The following C6orf89 variants were observed in gnomAD, a reference collection of about 807,000 sequenced individuals.
C6orf89 encodes the protein bombesin receptor-activated protein C6orf89.
A neutral mutation model predicts 40.7 loss-of-function variants in C6orf89; 29 were observed. The observed-to-expected ratio is 0.71, with a 90% CI of 0.53 to 0.97. The LOEUF is 0.97. Ranked by LOEUF, C6orf89 falls within the 50% of genes least tolerant of loss-of-function variation. The pLI is 0.00. For missense variants in C6orf89, 392 were observed against 429.1 expected (o/e 0.91, Z 0.76); for synonymous variants, 165 against 152.2 (o/e 1.08, Z -0.62).
chr6:36,878,134 A>G (rs1774708674), intron 1 of C6orf89, among the ~76,000 whole-genome samples: 1 of 152,138 alleles, frequency 6.6e-6, no homozygotes, highest in African/African-American at 2.4e-5. Flanking sequence ...ATTTTTTTCT[A>G]TATGGATATA....
intron 1 of C6orf89, among the ~76,000 whole-genome samples, chr6:36,887,166 G>C (rs1583146579): frequency 6.6e-6 from 1 of 151,444 alleles, no homozygotes; most frequent in South Asian, 2.1e-4. Context: ...CCAGGCTGGA[G>C]TGCAGTGGCG....
chr6:36,922,746 C>T (rs1041475272), intron 8 of C6orf89, among the ~76,000 whole-genome samples: 1 of 152,330 alleles, frequency 6.6e-6, no homozygotes, highest in African/African-American at 2.4e-5. Context: ...TTGGGCAATG[C>T]TGGTTTAGGT....
chr6:36,879,635 T>C (rs1774749791), intron 2 of C6orf89, among the ~76,000 whole-genome samples: 1 of 152,192 alleles, frequency 6.6e-6, no homozygotes, highest in Non-Finnish European at 1.5e-5. Flanking sequence ...GTATTTGTGC[T>C]ATGAATTCGT....
intron 1 of C6orf89, among the ~76,000 whole-genome samples, chr6:36,888,681 G>A (rs137887561): frequency 0.012 from 1,840 of 152,254 alleles, 24 homozygotes; most frequent in Admixed American, 0.022. Flanking sequence ...GATTGGGGAA[G>A]AGGAGAACTG....
intron 1 of C6orf89, among the ~76,000 whole-genome samples, chr6:36,877,433 C>T (rs571444049): frequency 7.5e-4 from 114 of 152,248 alleles, no homozygotes; most frequent in Non-Finnish European, 1.4e-3. Context: ...TGGGTTCAAG[C>T]GATTCTCCTG....
At position 36,923,472 on chromosome 6, in the gene C6orf89, A is replaced by G. The variant is rs1172605967; in HGVS notation, c.*31A>G. The G allele has an allele frequency of 1.9e-6, 3 of 1,549,102 alleles. No individual in the cohort carries two copies. Among genetic ancestry groups the G allele is most frequent in the East Asian group, 2.2e-5 (1 of 44,614 alleles). On this transcript the variant is annotated 3_prime_UTR_variant, in exon 9 of 9. Transcript: ENST00000480824. ...AGAACTGTGCACAGGAACAGCTTCC[A>G]GAGCCGAAAACCAGGTTGAAAGGGG...
intron 2 of C6orf89, among the ~76,000 whole-genome samples, 182 bp from the exon 3 acceptor site, chr6:36,899,244 T>C (rs1761568588): frequency 6.6e-6 from 1 of 152,160 alleles, no homozygotes; most frequent in South Asian, 2.1e-4. Flanking sequence ...ATTTTAAAAC[T>C]TGTATGGCAA....
chr6:36,885,140 T>C (rs1444717077), upstream of C6orf89, among the ~76,000 whole-genome samples: 2 of 152,246 alleles, frequency 1.3e-5, no homozygotes, highest in African/African-American at 2.4e-5. Context: ...AACTGTAACA[T>C]AGCTTAATAG....
chr6:36,919,727 G>A (rs1314578272), intron 8 of C6orf89, 26 bp downstream of exon 8: 6 of 1,565,416 alleles, frequency 3.8e-6, no homozygotes, highest in Middle Eastern at 1.7e-4. Flanking sequence ...GGAGGGCAGG[G>A]TCAATGGATC....
At chr6:36,872,152 GTA>G (rs1046353261) in intron 1 of C6orf89, among the ~76,000 whole-genome samples, 1 of 151,204 alleles carries the variant, frequency 6.6e-6, no homozygotes, top group Non-Finnish European at 1.5e-5. Context: ...ATATACATAT[GTA>G]TATATATATA....
rs759883998 is a variant in C6orf89 at position 36,886,027 on chromosome 6, A to G, written c.-121A>G. ...GGAGCCCGAGGGGCGCGAGCCCCGC[A>G]TGTGAGTGACTGGGGCCCGAGGCTG... is the stretch of plus-strand genomic sequence containing the variant. On this transcript the variant is annotated splice_region_variant and 5_prime_UTR_variant, in exon 1 of 9. It removes an upstream start codon present in the reference 5' UTR. Coordinates refer to ENST00000480824, the MANE Select transcript of C6orf89 (RefSeq NM_001286635.2). 1 of 1,257,656 alleles carries G rather than the reference A, an allele frequency of 8.0e-7. No individual in the cohort carries two copies. Among genetic ancestry groups the G allele is most frequent in the South Asian group, 2.9e-5 (1 of 34,398 alleles). 77.9% of individuals were successfully genotyped at this position (1,257,656 alleles called of 1,614,324 possible). A position where few individuals can be genotyped will look rare whatever the true frequency, so the allele number is the denominator to read the frequency against.
At chr6:36,904,169 T>C (rs1379559783) in intron 4 of C6orf89, among the ~76,000 whole-genome samples, 2 of 152,180 alleles carry the variant, frequency 1.3e-5, no homozygotes, top group African/African-American at 2.4e-5. Flanking sequence ...TCTTCCCCAG[T>C]CCTATAAAGT....
At position 36,916,537 on chromosome 6, in the gene C6orf89, GCTC is replaced by G. The variant is rs748339621; in HGVS notation, c.791_793del (p.Ser264del). The G allele has an allele frequency of 1.9e-6, 3 of 1,614,030 alleles. No individual in the cohort carries two copies. Among genetic ancestry groups the G allele is most frequent in the Non-Finnish European group, 1.7e-6 (2 of 1,180,034 alleles). ...CCAAAAGATGCCTCTTTAAACAAGTGCTCCTTTCTTCACCCAGAACCTGTTGTG... is the reference window on the plus strand; with the variant it reads ...CCAAAAGATGCCTCTTTAAACAAGTGCTTTCTTCACCCAGAACCTGTTGTG... On this transcript the variant is annotated inframe_deletion, in exon 7 of 9. Coordinates refer to ENST00000480824, the MANE Select transcript of C6orf89 (RefSeq NM_001286635.2).
chr6:36,914,864 C>T (rs1583194818), intron 6 of C6orf89, among the ~76,000 whole-genome samples, 171 bp downstream of exon 6: 1 of 152,314 alleles, frequency 6.6e-6, no homozygotes, highest in East Asian at 1.9e-4. Context: ...GTGGTGCATG[C>T]CTGTAATCCC....
chr6:36,910,461 C>T (rs565918698), intron 4 of C6orf89, among the ~76,000 whole-genome samples: 3 of 152,138 alleles, frequency 2.0e-5, no homozygotes, highest in Non-Finnish European at 4.4e-5. Context: ...GGCATGGTGG[C>T]TGACACCTAT....
At chr6:36,886,678 A>G (rs1775002005) in intron 1 of C6orf89, among the ~76,000 whole-genome samples, 1 of 152,166 alleles carries the variant, frequency 6.6e-6, no homozygotes, top group Non-Finnish European at 1.5e-5. Flanking sequence ...TGTTTCTTTT[A>G]AAGTATTTAG....
chr6:36,896,572 G>A (rs1018708255), intron 2 of C6orf89, among the ~76,000 whole-genome samples: 1 of 152,046 alleles, frequency 6.6e-6, no homozygotes, highest in African/African-American at 2.4e-5. Flanking sequence ...TCTGTGGCTT[G>A]TCATTTTACT....
At chr6:36,886,115 G>A in intron 1 of C6orf89, 87 bp downstream of exon 1, 2 of 1,119,064 alleles carry the variant, frequency 1.8e-6, no homozygotes, top group Non-Finnish European at 2.3e-6. Context: ...TCGCGCAGCC[G>A]CTTCTCGCCG....
chr6:36,878,817 T>C (rs1269272425), intron 1 of C6orf89, among the ~76,000 whole-genome samples: 1 of 152,238 alleles, frequency 6.6e-6, no homozygotes, highest in Admixed American at 6.5e-5. Flanking sequence ...CCAATCTCGC[T>C]GTTTCTGTAC....
Sources: allele counts gnomAD v4.1 joint callset (sites outside exome capture counted in the v4.1 genomes callset), GRCh38; gene constraint gnomAD v4.1.1; transcripts MANE v1.5; gene names NCBI Gene and HGNC (gene_info 2026-07-23, HGNC 2026-07-21).